OR2J2: variants seen among roughly 807,000 people sequenced by gnomAD.
The protein encoded by OR2J2 is olfactory receptor 2J2.
Under a neutral mutation model 16.9 loss-of-function variants are expected in OR2J2, and 13 were observed. The observed-to-expected ratio is 0.77, with a 90% CI of 0.50 to 1.23. The LOEUF (loss-of-function observed/expected upper bound fraction) is 1.23, where lower values mean the gene tolerates loss of function less well. OR2J2 is among the 50% of genes most tolerant of loss of function. The pLI is 0.00. For synonymous variants in OR2J2, 125 were observed against 141.2 expected (o/e 0.89, Z 0.81); for missense variants, 341 against 379.1 (o/e 0.90, Z 0.84).
chr6:29,173,572 T>C, intron 1 of OR2J2, 47 bp from the exon 2 acceptor site: 1 of 1,268,548 alleles, frequency 7.9e-7, no homozygotes, highest in Non-Finnish European at 1.1e-6. Flanking sequence ...AAGTGAGCGG[T>C]TGACAATGCA....
In OR2J2 at chr6:29,174,405, T is replaced by C. The variant is rs199819597; in HGVS notation, c.770T>C (p.Met257Thr). The C allele has an allele frequency of 4.7e-5, 76 of 1,613,994 alleles. 3 individuals are homozygous for C. The East Asian group carries it at 6.5e-4, about 14-fold the overall frequency. ...MVVSLFFIPV[M>T]CMYLQPPSEN... ...GTATCTCTCTTTTTCATTCCAGTCATGTGCATGTATCTCCAGCCACCATCA... is the reference window on the plus strand; with the variant it reads ...GTATCTCTCTTTTTCATTCCAGTCACGTGCATGTATCTCCAGCCACCATCA... The change falls in exon 2 of 2, where the codon ATG becomes ACG. Residue 257 changes from methionine (M) to threonine (T), a missense_variant. Physicochemically the swap from Met to Thr is moderately conservative, Grantham distance 81. Transcript: ENST00000641417.
chr6:29,174,508 C>T lies in OR2J2; in HGVS notation c.873C>T (p.Tyr291=), dbSNP rs1258485738. 1 of 1,613,896 alleles carries T rather than the reference C, an allele frequency of 6.2e-7. No individual in the cohort carries two copies. Among genetic ancestry groups the T allele is most frequent in the East Asian group, 2.2e-5 (1 of 44,844 alleles). ...VVTPSLNPLI[Y]TLRNKHVKGA... is the part of the protein sequence containing the mutation. Reference sequence around the variant, plus strand: ...CACCGAGTCTTAATCCTCTAATCTACACTCTCAGAAACAAGCATGTAAAAG... The same window carrying T: ...CACCGAGTCTTAATCCTCTAATCTATACTCTCAGAAACAAGCATGTAAAAG... The change falls in exon 2 of 2, where the codon TAC becomes TAT. Residue 291 remains tyrosine (Y), a synonymous_variant. Coordinates refer to ENST00000641417, the MANE Select transcript of OR2J2 (RefSeq NM_030905.3).
rs2151022703 is a variant in OR2J2, at chr6:29,175,588, G to C, written c.*1014G>C. On this transcript the variant is annotated 3_prime_UTR_variant, in exon 2 of 2. Transcript: ENST00000641417. The stretch of plus-strand genomic sequence containing the variant: ...AGGTCAGGAGACCAAGACCATCCTG[G>C]CTAACAAGGTGAAACCCCATCTCTA... 6.6e-6 allele frequency: 1 copy of C among 152,160 alleles called. No individual in the cohort carries two copies. The highest frequency in any genetic ancestry group is 1.9e-4 in the East Asian group (1 of 5,168). 9.4% of individuals were successfully genotyped at this position (152,160 alleles called of 1,614,324 possible). A position where few individuals can be genotyped will look rare whatever the true frequency, so the allele number is the denominator to read the frequency against.
chr6:29,174,483 C>T lies in OR2J2; in HGVS notation c.848C>T (p.Thr283Ile). 6.2e-7 allele frequency: 1 copy of T among 1,613,708 alleles called. No individual in the cohort carries two copies. Among genetic ancestry groups the T allele is most frequent in the Non-Finnish European group, 8.5e-7 (1 of 1,179,904 alleles). Residue 283 changes from threonine to isoleucine, a missense_variant, in exon 2 of 2, where the codon ACA (threonine) becomes ATA (isoleucine). Physicochemically the swap from Thr to Ile is moderately conservative, Grantham distance 89 (BLOSUM62 -1). Transcript: ENST00000641417. ...ATTGCCCTCTTTTATACTGTTGTCACACCGAGTCTTAATCCTCTAATCTAC... is the reference window on the plus strand; with the variant it reads ...ATTGCCCTCTTTTATACTGTTGTCATACCGAGTCTTAATCCTCTAATCTAC... ...KFIALFYTVV[T>I]PSLNPLIYTL...
rs141015719 is a variant in OR2J2 at position 29,173,789 on chromosome 6, G to C, written c.154G>C (p.Val52Leu). Residue 52 changes from valine to leucine, a missense_variant, in exon 2 of 2, where the codon GTG (valine) becomes CTG (leucine). Coordinates refer to ENST00000641417, the MANE Select transcript of OR2J2 (RefSeq NM_030905.3). ...CCTGTTCATCATCATCCTGTCATACGTGGACTCCCATCTCCACACACCAAT... is the reference window on the plus strand; with the variant it reads ...CCTGTTCATCATCATCCTGTCATACCTGGACTCCCATCTCCACACACCAAT... Reference protein sequence around the residue: ...GNLFIIILSYVDSHLHTPMYF... With the variant: ...GNLFIIILSYLDSHLHTPMYF... 5.0e-6 allele frequency: 8 copies of C among 1,613,488 alleles called. No individual in the cohort carries two copies. The East Asian group carries it at 6.7e-5, about 13-fold the overall frequency.
Position 29,174,699 on chromosome 6 carries a change from C to A in OR2J2, c.*125C>A, listed in dbSNP as rs2206042. ...AGCTCACAAAACAGAATAGTTCAGT[C>A]TCACATTTGTTGCTCTTTTTATTAT... On this transcript the variant is annotated 3_prime_UTR_variant, in exon 2 of 2. Coordinates refer to ENST00000641417, the MANE Select transcript of OR2J2 (RefSeq NM_030905.3). 0.51 allele frequency: 331,872 copies of A among 654,120 alleles called. 89,657 individuals carry two copies. Among genetic ancestry groups the A allele is most frequent in the Non-Finnish European group, 0.55 (225,534 of 407,446 alleles). 40.5% of individuals were successfully genotyped at this position (654,120 alleles called of 1,614,324 possible).
chr6:29,172,356 C>T (rs1765546575), intron 1 of OR2J2, among the ~76,000 whole-genome samples: 2 of 152,082 alleles, frequency 1.3e-5, no homozygotes, highest in Non-Finnish European at 2.9e-5. Flanking sequence ...CCACGCCTGG[C>T]CTCTTTTGCC....
In OR2J2 at chr6:29,174,578, G is replaced by C. The variant is rs1765728315; in HGVS notation, c.*4G>C. ...GGGGTGGGAGTGGGGGAAGTGACAG[G>C]GAAATCATGTTGTCTGTTGTCATTG... On this transcript the variant is annotated 3_prime_UTR_variant, in exon 2 of 2. Transcript: ENST00000641417. 1 of 1,586,964 alleles carries C rather than the reference G, an allele frequency of 6.3e-7. No homozygotes were observed. Among genetic ancestry groups the C allele is most frequent in the African/African-American group, 1.3e-5 (1 of 74,330 alleles).
At chr6:29,171,727 C>T (rs1765499696) in intron 1 of OR2J2, among the ~76,000 whole-genome samples, 1 of 151,994 alleles carries the variant, frequency 6.6e-6, no homozygotes, top group Non-Finnish European at 1.5e-5. Flanking sequence ...AAAATTAGGT[C>T]GGCATCAGCA....
chr6:29,174,300 T>C lies in OR2J2; in HGVS notation c.665T>C (p.Ile222Thr). ...CTCATTCTCACTACCTATGGTGCCA[T>C]TGCCCGGGCTGTACTGAGCATGCAA... is the stretch of plus-strand genomic sequence containing the variant. ...LILILTTYGA[I>T]ARAVLSMQST... The change falls in exon 2 of 2, where the codon ATT becomes ACT. Residue 222 changes from isoleucine (I) to threonine (T), a missense_variant. Transcript: ENST00000641417. The C allele has an allele frequency of 6.2e-7, 1 of 1,613,900 alleles. No individual in the cohort carries two copies. The highest frequency in any genetic ancestry group is 8.5e-7 in the Non-Finnish European group (1 of 1,179,956).
rs188320028 is a variant in OR2J2 at position 29,173,470 on chromosome 6, T to C, written c.-17-149T>C. 578 of 552,900 alleles carry C rather than the reference T, an allele frequency of 1.0e-3. 2 individuals are homozygous for C. The highest frequency in any genetic ancestry group is 1.4e-3 in the Non-Finnish European group (426 of 314,890). 34.2% of individuals were successfully genotyped at this position (552,900 alleles called of 1,614,324 possible). ...ATCTGTAGCTGGATAAATATCTCAA[T>C]GAAGCATATAAAGGGAACTGTATAA... On this transcript the variant is annotated intron_variant, in intron 1 of 1. Coordinates refer to ENST00000641417, the MANE Select transcript of OR2J2 (RefSeq NM_030905.3).
chr6:29,171,053 T>G lies in OR2J2; in HGVS notation c.-70T>G, dbSNP rs1178645467. 1 of 152,134 alleles carries G rather than the reference T, an allele frequency of 6.6e-6. No homozygotes were observed. Among genetic ancestry groups the G allele is most frequent in the Non-Finnish European group, 1.5e-5 (1 of 68,030 alleles). The allele number at this position is 152,134 out of a possible 1,614,324, so 9.4% of individuals were successfully genotyped here. On this transcript the variant is annotated 5_prime_UTR_variant, in exon 1 of 2. It removes an upstream start codon present in the reference 5' UTR. Coordinates refer to ENST00000641417, the MANE Select transcript of OR2J2 (RefSeq NM_030905.3). ...AGCCCCTTCATCAGTTTATACCTGA[T>G]GAGGTTGTAGGCCAGGTAGAGAGTG...
In OR2J2 at chr6:29,174,646, C is replaced by T; in HGVS notation, c.*72C>T. 8.2e-7 allele frequency: 1 copy of T among 1,213,846 alleles called. No homozygotes were observed. Among genetic ancestry groups the T allele is most frequent in the Non-Finnish European group, 1.1e-6 (1 of 877,454 alleles). The allele number at this position is 1,213,846 out of a possible 1,614,324, so 75.2% of individuals were successfully genotyped here. A position where few individuals can be genotyped will look rare whatever the true frequency, so the allele number is the denominator to read the frequency against. The stretch of plus-strand genomic sequence containing the variant: ...GCCATCTTGAAAGGTGGTTTCCCTG[C>T]TTCTTTGTGATTTATTTTTGTTCTA... On this transcript the variant is annotated 3_prime_UTR_variant, in exon 2 of 2. Transcript: ENST00000641417.
rs1765624088 is a variant in OR2J2 at position 29,173,642 on chromosome 6, AT to A, written c.9del (p.Asn6MetfsTer21). 1.9e-6 allele frequency: 3 copies of A among 1,596,822 alleles called. No homozygotes were observed. The highest frequency in any genetic ancestry group is 2.7e-5 in the African/African-American group (2 of 73,868). On this transcript the variant is annotated frameshift_variant, in exon 2 of 2. Coordinates refer to ENST00000641417, the MANE Select transcript of OR2J2 (RefSeq NM_030905.3). LOFTEE classifies it high-confidence loss of function. MM[I>X]KKNASSEDFF... ...AGGTATAAGAAAAAGATGAATGATG[AT>A]TAAAAAAAATGCAAGTTCGGAAGAC...
chr6:29,174,288 C>T lies in OR2J2; in HGVS notation c.653C>T (p.Thr218Ile), dbSNP rs1357888265. ...VLIPLILILT[T>I]YGAIARAVLS... ...ATACCTCTCATTCTCATTCTCACTA[C>T]CTATGGTGCCATTGCCCGGGCTGTA... The change falls in exon 2 of 2, where the codon ACC (threonine) becomes ATC (isoleucine). Residue 218 changes from threonine (T) to isoleucine (I), a missense_variant. Coordinates refer to ENST00000641417, the MANE Select transcript of OR2J2 (RefSeq NM_030905.3). 1.2e-6 allele frequency: 2 copies of T among 1,613,876 alleles called. No individual in the cohort carries two copies. Among genetic ancestry groups the T allele is most frequent in the Admixed American group, 1.7e-5 (1 of 59,932 alleles).
rs1765646880 is a variant in OR2J2 at position 29,173,897 on chromosome 6, G to T, written c.262G>T (p.Gly88Cys). Residue 88 changes from glycine to cysteine, a missense_variant, in exon 2 of 2, where the codon GGC becomes TGC. Physicochemically the swap from Gly to Cys is radical, Grantham distance 159. Transcript: ENST00000641417. ...SIPQLLVNLR[G>C]PEKTISYAGC... The stretch of plus-strand genomic sequence containing the variant: ...CCCTCAGTTGCTGGTGAATCTCCGG[G>T]GCCCGGAAAAGACCATCTCGTATGC... 6.2e-7 allele frequency: 1 copy of T among 1,611,386 alleles called. No homozygotes were observed. The highest frequency in any genetic ancestry group is 1.1e-5 in the South Asian group (1 of 90,844).
chr6:29,174,325 A>G lies in OR2J2; in HGVS notation c.690A>G (p.Gln230=), dbSNP rs375822404. The part of the protein sequence containing the change: ...GAIARAVLSM[Q]STTGLQKVFR... ...TTGCCCGGGCTGTACTGAGCATGCA[A>G]TCAACCACTGGGCTTCAGAAAGTGT... is the stretch of plus-strand genomic sequence containing the variant. The change falls in exon 2 of 2, where the codon CAA becomes CAG. Residue 230 remains glutamine (Q), a synonymous_variant. Transcript: ENST00000641417. 37 of 1,613,710 alleles carry G rather than the reference A, an allele frequency of 2.3e-5. No individual in the cohort carries two copies. Among genetic ancestry groups the G allele is most frequent in the African/African-American group, 5.3e-5 (4 of 74,852 alleles).
rs1262524438 is a variant in OR2J2 at position 29,174,850 on chromosome 6, A to C, written c.*276A>C. Reference sequence around the variant, plus strand: ...TTCAACGTAAATAAATGTGCATGCGAATAGTTATGAGGAGATTATTTCAAA... The same window carrying C: ...TTCAACGTAAATAAATGTGCATGCGCATAGTTATGAGGAGATTATTTCAAA... On this transcript the variant is annotated 3_prime_UTR_variant, in exon 2 of 2. Transcript: ENST00000641417. The C allele has an allele frequency of 1.8e-5, 7 of 388,906 alleles. No individual in the cohort carries two copies. Among genetic ancestry groups the C allele is most frequent in the Non-Finnish European group, 3.2e-5 (7 of 219,740 alleles). The allele number at this position is 388,906 out of a possible 1,614,324, so 24.1% of individuals were successfully genotyped here.
rs371365216 is a variant in OR2J2 at position 29,174,194 on chromosome 6, C to T, written c.559C>T (p.Arg187Cys). The change falls in exon 2 of 2, where the codon CGT becomes TGT. Residue 187 changes from arginine to cysteine, a missense_variant. Physicochemically the swap from Arg to Cys is radical, Grantham distance 180. Coordinates refer to ENST00000641417, the MANE Select transcript of OR2J2 (RefSeq NM_030905.3). ...HFFCEVPALL[R>C]LSCVDTHANE... ...CTTCTGTGAAGTTCCAGCACTTCTG[C>T]GTTTATCATGTGTTGACACCCATGC... 15 of 1,613,694 alleles carry T rather than the reference C, an allele frequency of 9.3e-6. No homozygotes were observed. Among genetic ancestry groups the T allele is most frequent in the Admixed American group, 3.3e-5 (2 of 59,916 alleles).
Sources: allele counts gnomAD v4.1 joint callset (sites outside exome capture counted in the v4.1 genomes callset), GRCh38; gene constraint gnomAD v4.1.1; transcripts MANE v1.5; gene names NCBI Gene and HGNC (gene_info 2026-07-23, HGNC 2026-07-21).